The following LRRC4C variants were observed in gnomAD, a reference collection of about 807,000 sequenced individuals.
LRRC4C encodes the protein leucine-rich repeat-containing protein 4C.
In LRRC4C, 5 loss-of-function variants were observed where a neutral mutation model predicts 33.6. The observed-to-expected ratio is 0.15, with a 90% confidence interval of 0.08 to 0.31. The LOEUF is 0.31. Ranked by LOEUF, LRRC4C falls within the 10% of genes least tolerant of loss-of-function variation. LRRC4C has a pLI of 1.00. For synonymous variants in LRRC4C, 329 were observed against 302.0 expected, an observed-to-expected ratio of 1.09 and a Z score of -0.93; for missense variants, 560 against 796.7, an observed-to-expected ratio of 0.70 and a Z score of 3.58.
At position 40,149,732 on chromosome 11, in the gene LRRC4C, A is replaced by T. The variant is rs1358847952; in HGVS notation, c.-95-8879T>A. On this transcript the variant is annotated intron_variant, in intron 5 of 6. Transcript: ENST00000528697. ...GAATGATAAGAAAGAACTTAGATAT[A>T]AAAACATCTGGGAGAAAAATATTCC... Among the ~76,000 whole-genome samples the T allele has an allele frequency of 4.6e-5, 7 of 152,282 alleles. No homozygotes were observed. The East Asian group carries it at 1.4e-3, about 29-fold the overall frequency.
At chr11:41,029,364 G>A (rs898628454) in intron 1 of LRRC4C, among the ~76,000 whole-genome samples, 3 of 151,732 alleles carry the variant, frequency 2.0e-5, no homozygotes, top group Non-Finnish European at 4.4e-5. Flanking sequence ...AAAACAATAT[G>A]TGGGCCTATC....
chr11:40,130,221 A>G (rs1328452493), intron 6 of LRRC4C, among the ~76,000 whole-genome samples: 1 of 152,190 alleles, frequency 6.6e-6, no homozygotes, highest in African/African-American at 2.4e-5. Context: ...TTCACTCTCC[A>G]GGTAATGAAA....
At chr11:40,304,322 A>G (rs1944922163) in intron 4 of LRRC4C, among the ~76,000 whole-genome samples, 1 of 152,190 alleles carries the variant, frequency 6.6e-6, no homozygotes, top group Non-Finnish European at 1.5e-5. Context: ...AATGAAAATG[A>G]TGTGAATTAA....
intron 4 of LRRC4C, among the ~76,000 whole-genome samples, chr11:40,304,224 C>T (rs896979193): frequency 6.6e-6 from 1 of 152,154 alleles, no homozygotes; most frequent in Non-Finnish European, 1.5e-5. Context: ...CCTTAAGGTG[C>T]TGCTGACAAG....
intron 2 of LRRC4C, among the ~76,000 whole-genome samples, chr11:40,668,052 G>T (rs1943908885): frequency 6.6e-6 from 1 of 152,110 alleles, no homozygotes; most frequent in African/African-American, 2.4e-5. Context: ...CATAGGTCAG[G>T]CCCCCACTGT....
At chr11:40,322,110 C>T (rs1173421786) in intron 3 of LRRC4C, among the ~76,000 whole-genome samples, 2 of 152,178 alleles carry the variant, frequency 1.3e-5, no homozygotes, top group East Asian at 1.9e-4. Context: ...TGTTATACTG[C>T]ACAGGTGAAG....
intron 6 of LRRC4C, among the ~76,000 whole-genome samples, chr11:40,116,976 G>C (rs998295133): frequency 3.3e-5 from 5 of 152,186 alleles, no homozygotes; most frequent in Non-Finnish European, 7.3e-5. Flanking sequence ...ACAGGTTGTA[G>C]GCCTATGAAG....
chr11:41,134,257 C>T (rs912783935), intron 1 of LRRC4C, among the ~76,000 whole-genome samples: 2 of 152,004 alleles, frequency 1.3e-5, no homozygotes, highest in African/African-American at 4.8e-5. Context: ...CTACTACAAC[C>T]AGATAATGTA....
At chr11:41,129,661 T>C (rs1365673713) in intron 1 of LRRC4C, among the ~76,000 whole-genome samples, 1 of 151,976 alleles carries the variant, frequency 6.6e-6, no homozygotes, top group Non-Finnish European at 1.5e-5. Flanking sequence ...TTCTAATTTT[T>C]ATTTTATTCA....
intron 2 of LRRC4C, among the ~76,000 whole-genome samples, chr11:40,709,296 G>A (rs1170258290): frequency 2.0e-5 from 3 of 152,152 alleles, no homozygotes; most frequent in Non-Finnish European, 2.9e-5. Flanking sequence ...TTTCTTCCTA[G>A]CATCCATGGT....
At chr11:41,119,184 C>T (rs1942297797) in intron 1 of LRRC4C, among the ~76,000 whole-genome samples, 1 of 152,092 alleles carries the variant, frequency 6.6e-6, no homozygotes, top group Admixed American at 6.5e-5. Flanking sequence ...ATTTTCCAAA[C>T]AATCTTTATA....
At chr11:40,169,835 T>C (rs567718153) in intron 5 of LRRC4C, among the ~76,000 whole-genome samples, 244 of 152,310 alleles carry the variant, frequency 1.6e-3, no homozygotes, top group Non-Finnish European at 1.9e-3. Flanking sequence ...TAATTATATA[T>C]AAGGGTAGGT....
At chr11:40,389,143 G>C (rs1381461061) in intron 3 of LRRC4C, among the ~76,000 whole-genome samples, 2 of 152,062 alleles carry the variant, frequency 1.3e-5, no homozygotes, top group South Asian at 2.1e-4. Context: ...GCTATACAGG[G>C]GAGAATTTGA....
At chr11:41,452,018 T>TAGGAAAAA (rs1956043134) in intron 1 of LRRC4C, among the ~76,000 whole-genome samples, 4 of 152,164 alleles carry the variant, frequency 2.6e-5, no homozygotes, top group Admixed American at 2.6e-4. Context: ...AGTATGCCTT[T>TAGGAAAAA]ATTAGATTGA....
Position 40,193,444 on chromosome 11 carries a change from T to G in LRRC4C, c.-96+48075A>C, listed in dbSNP as rs544522617. ...AAGGATGACCATGCAAAAACCCTAT[T>G]CGAAGCTTACCAACATCAAAGACCA... On this transcript the variant is annotated intron_variant, in intron 5 of 6. Coordinates refer to ENST00000528697, the MANE Select transcript of LRRC4C (RefSeq NM_001258419.2). Among the ~76,000 whole-genome samples the G allele has an allele frequency of 5.7e-4, 87 of 152,202 alleles. No homozygotes were observed. In the South Asian group the frequency reaches 0.018, roughly 31 times the overall value.
intron 1 of LRRC4C, among the ~76,000 whole-genome samples, chr11:40,951,005 G>C (rs550531150): frequency 2.6e-5 from 4 of 151,550 alleles, no homozygotes; most frequent in African/African-American, 7.3e-5. Flanking sequence ...ATCAGTACAC[G>C]ATGCACCCAG....
At chr11:40,165,095 C>A (rs959611768) in intron 5 of LRRC4C, among the ~76,000 whole-genome samples, 3 of 152,142 alleles carry the variant, frequency 2.0e-5, no homozygotes, top group Non-Finnish European at 4.4e-5. Flanking sequence ...ATTATCTTGA[C>A]AAAAGCATGA....
intron 1 of LRRC4C, among the ~76,000 whole-genome samples, chr11:41,222,037 G>C (rs1049124865): frequency 1.3e-5 from 2 of 152,166 alleles, no homozygotes; most frequent in African/African-American, 4.8e-5. Flanking sequence ...CCTTCTAAGG[G>C]AGCAGAGAGT....
intron 1 of LRRC4C, among the ~76,000 whole-genome samples, chr11:41,102,264 T>C (rs924557432): frequency 6.6e-6 from 1 of 152,114 alleles, no homozygotes; most frequent in African/African-American, 2.4e-5. Context: ...ATTCCACTTA[T>C]TGCATTTTAC....
Sources: gnomAD v4.1 joint callset for allele counts (sites outside exome capture counted in the v4.1 genomes callset) on GRCh38, gnomAD v4.1.1 for gene constraint, MANE v1.5 for transcripts, NCBI Gene and HGNC (gene_info 2026-07-23, HGNC 2026-07-21) for gene names.